Variants in ZNF536 observed in about 807,000 individuals in gnomAD.
ZNF536 encodes zinc finger protein 536.
ZNF536 carries 13 observed loss-of-function variants against 84.5 expected under a neutral mutation model. The observed-to-expected ratio is 0.15, with a 90% confidence interval of 0.10 to 0.24. ZNF536 has a LOEUF of 0.24. Among genes scored for constraint, ZNF536 ranks in the 10% least tolerant of loss-of-function variants. The pLI, the probability that ZNF536 is intolerant of heterozygous loss-of-function variation, is 1.00. For missense variants in ZNF536, 1,536 were observed against 1,747.5 expected (o/e 0.88, Z 2.16); for synonymous variants, 811 against 742.5 (o/e 1.09, Z -1.50).
chr19:30,418,449 T>C (rs925346814), intron 1 of ZNF536, among the ~76,000 whole-genome samples: 22 of 152,350 alleles, frequency 1.4e-4, no homozygotes, highest in South Asian at 6.2e-4. Flanking sequence ...TAATTGTTGG[T>C]TGAATTTAAC....
intron 1 of ZNF536, among the ~76,000 whole-genome samples, chr19:30,604,928 C>A (rs906717186): frequency 2.6e-5 from 4 of 152,168 alleles, no homozygotes; most frequent in Non-Finnish European, 5.9e-5. Context: ...AGCCAGAGTC[C>A]TTCCAGCGAC....
intron 1 of ZNF536, among the ~76,000 whole-genome samples, chr19:30,243,145 A>C (rs1245634897): frequency 6.6e-6 from 1 of 152,184 alleles, no homozygotes; most frequent in African/African-American, 2.4e-5. Context: ...AAAGGAAAAA[A>C]ATATTTTAAG....
intron 1 of ZNF536, among the ~76,000 whole-genome samples, chr19:30,624,070 G>A (rs1439282966): frequency 6.6e-6 from 1 of 152,118 alleles, no homozygotes; most frequent in African/African-American, 2.4e-5. Flanking sequence ...AGAGGTCCAG[G>A]ACTTGTCTGG....
At chr19:30,314,257 G>A (rs2046605224) in intron 2 of ZNF536, among the ~76,000 whole-genome samples, 1 of 152,160 alleles carries the variant, frequency 6.6e-6, no homozygotes. Context: ...TGGTGTCCCT[G>A]GGAATGGAGT....
intron 2 of ZNF536, among the ~76,000 whole-genome samples, chr19:30,309,681 T>A (rs2046440495): frequency 6.6e-6 from 1 of 152,232 alleles, no homozygotes; most frequent in Admixed American, 6.5e-5. Context: ...ACATTATTTA[T>A]GTGAGACCTC....
At chr19:30,417,148 AT>A (rs71173904) in intron 1 of ZNF536, among the ~76,000 whole-genome samples, 3,289 of 99,852 alleles carry the variant, frequency 0.033, 112 homozygotes, top group African/African-American at 0.12. Context: ...TAATTTTTGT[AT>A]TTTTTTTTTT....
At chr19:30,415,318 C>T (rs1268870079) in intron 1 of ZNF536, among the ~76,000 whole-genome samples, 4 of 146,956 alleles carry the variant, frequency 2.7e-5, no homozygotes, top group Non-Finnish European at 6.0e-5. Context: ...CCTTCTCCTT[C>T]TTCTTCTTCT....
chr19:30,598,751 T>TA (rs1491273890), intron 1 of ZNF536, among the ~76,000 whole-genome samples: 3 of 152,094 alleles, frequency 2.0e-5, no homozygotes, highest in Admixed American at 6.5e-5. Flanking sequence ...AAGTTCTAAC[T>TA]AAAAAAATAC....
chr19:30,417,482 C>A (rs1031140449), intron 1 of ZNF536, among the ~76,000 whole-genome samples: 1 of 152,040 alleles, frequency 6.6e-6, no homozygotes, highest in South Asian at 2.1e-4. Flanking sequence ...CATCTTGATA[C>A]AATCCACTGC....
At position 30,445,693 on chromosome 19, in the gene ZNF536, C is replaced by A. The variant is rs2148235316; in HGVS notation, c.2131C>A (p.Gln711Lys). 1 of 1,593,984 alleles carries A rather than the reference C, an allele frequency of 6.3e-7. No homozygotes were observed. Among genetic ancestry groups the A allele is most frequent in the Admixed American group, 1.7e-5 (1 of 58,526 alleles). ...GGGLSQTGSAQEDSPHPSSPS... is the reference protein window; with the variant it reads ...GGGLSQTGSAKEDSPHPSSPS... ...CGGCCTCTCCCAGACCGGGAGTGCCCAGGAGGACAGCCCGCACCCCTCCTC... is the reference window on the plus strand; with the variant it reads ...CGGCCTCTCCCAGACCGGGAGTGCCAAGGAGGACAGCCCGCACCCCTCCTC... Residue 711 changes from glutamine (Q) to lysine (K), a missense_variant, in exon 2 of 5, where the codon CAG (glutamine) becomes AAG (lysine). Physicochemically the swap from Gln to Lys is moderately conservative, Grantham distance 53 (BLOSUM62 1). This residue lies in a region of ZNF536 where 148 missense variants were observed against 205.4 expected (regional missense o/e 0.72). Coordinates refer to ENST00000355537, the MANE Select transcript of ZNF536 (RefSeq NM_014717.3). The surrounding 1 kb of genome is among the most constrained non-coding windows in gnomAD (Gnocchi z 4.5).
At chr19:30,670,640 G>T (rs1036794294) in intron 1 of ZNF536, among the ~76,000 whole-genome samples, 6 of 152,210 alleles carry the variant, frequency 3.9e-5, no homozygotes, top group African/African-American at 1.4e-4. Context: ...GGTTTTGTTG[G>T]GGGAGGCATT....
chr19:30,518,574 G>T (rs1224841573), intron 2 of ZNF536, among the ~76,000 whole-genome samples: 1 of 152,198 alleles, frequency 6.6e-6, no homozygotes, highest in East Asian at 1.9e-4. Context: ...ATAGAAATTA[G>T]CATCCCAGGA....
intron 1 of ZNF536, among the ~76,000 whole-genome samples, chr19:30,650,891 C>T (rs939952584): frequency 5.3e-5 from 8 of 152,162 alleles, no homozygotes; most frequent in African/African-American, 1.9e-4. Context: ...AGAGCAGAAG[C>T]AAAGGAGAGA....
At chr19:30,258,242 C>T (rs2025014012) in intron 1 of ZNF536, among the ~76,000 whole-genome samples, 2 of 152,194 alleles carry the variant, frequency 1.3e-5, no homozygotes, top group Admixed American at 6.5e-5. Flanking sequence ...AACCAATTCA[C>T]CTCCAAGCCA....
chr19:30,392,056 G>C (rs1403599460), intron 1 of ZNF536, among the ~76,000 whole-genome samples: 1 of 152,132 alleles, frequency 6.6e-6, no homozygotes, highest in African/African-American at 2.4e-5. Flanking sequence ...TGCGGTTCTC[G>C]GATGTCCGGA....
At chr19:30,394,011 A>C (rs957003955) in intron 1 of ZNF536, among the ~76,000 whole-genome samples, 1 of 152,064 alleles carries the variant, frequency 6.6e-6, no homozygotes, top group Non-Finnish European at 1.5e-5. Context: ...AAGCTGAAGG[A>C]GTCAGAGTCT....
chr19:30,426,351 C>A (rs1238779039), intron 1 of ZNF536, among the ~76,000 whole-genome samples: 1 of 152,162 alleles, frequency 6.6e-6, no homozygotes, highest in Non-Finnish European at 1.5e-5. Context: ...TCACATCAAC[C>A]TGATGTAATT....
At chr19:30,339,686 T>G (rs1050918582) in intron 2 of ZNF536, among the ~76,000 whole-genome samples, 1 of 152,018 alleles carries the variant, frequency 6.6e-6, no homozygotes, top group African/African-American at 2.4e-5. Context: ...TTGGTGACAT[T>G]GCCAAATCTC....
chr19:30,250,429 G>A (rs981338267), intron 1 of ZNF536, among the ~76,000 whole-genome samples: 3 of 152,186 alleles, frequency 2.0e-5, no homozygotes, highest in Admixed American at 6.5e-5. Flanking sequence ...GCTGCGTGGA[G>A]CAAGTGCTGG....
Sources: gnomAD v4.1 joint callset for allele counts (sites outside exome capture counted in the v4.1 genomes callset) on GRCh38, gnomAD v4.1.1 for gene constraint, gnomAD v4.1.1 regional missense constraint, Gnocchi (gnomAD v3.1) non-coding constraint, MANE v1.5 for transcripts, NCBI Gene and HGNC (gene_info 2026-07-23, HGNC 2026-07-21) for gene names.